Variants in DMXL1 observed in about 807,000 individuals in gnomAD.
DMXL1 encodes Dmx like 1, also known as dmX-like protein 1.
DMXL1 carries 99 observed loss-of-function variants against 319.2 expected under a neutral mutation model. That is an observed-to-expected ratio of 0.31 (90% CI 0.26 to 0.37). The LOEUF (loss-of-function observed/expected upper bound fraction) is 0.37, where lower values mean the gene tolerates loss of function less well. Among genes scored for constraint, DMXL1 ranks in the 10% least tolerant of loss-of-function variants. DMXL1 has a pLI of 1.00. For missense variants in DMXL1, 3,745 were observed against 3,595.6 expected, an observed-to-expected ratio of 1.04 and a Z score of -1.06; for synonymous variants, 1,385 against 1,235.2, an observed-to-expected ratio of 1.12 and a Z score of -2.54.
At chr5:119,159,307 G>A (rs775031784) in intron 19 of DMXL1, among the ~76,000 whole-genome samples, 41 of 152,180 alleles carry the variant, frequency 2.7e-4, no homozygotes, top group Non-Finnish European at 5.3e-4. Flanking sequence ...ATGTTGGCAA[G>A]GCTGGTTTGG....
Position 119,175,297 on chromosome 5 carries a change from G to T in DMXL1, c.6718G>T (p.Ala2240Ser). The T allele has an allele frequency of 6.2e-7, 1 of 1,611,570 alleles. No homozygotes were observed. The highest frequency in any genetic ancestry group is 8.5e-7 in the Non-Finnish European group (1 of 1,178,890). The change falls in exon 26 of 44, where the codon GCT (alanine) becomes TCT (serine). Residue 2240 changes from alanine to serine, a missense_variant. Around this residue, in one of 4 missense-constraint regions of DMXL1, gnomAD observed 1,382 missense variants for 1,269.5 expected, o/e 1.09. Coordinates refer to ENST00000539542, the MANE Select transcript of DMXL1 (RefSeq NM_001290321.3). ...VMHTLAASLSACIYQCLCGSH... is the reference protein window; with the variant it reads ...VMHTLAASLSSCIYQCLCGSH... ...GCATACTTTAGCAGCTTCACTTTCT[G>T]CTTGTATTTATCAGTGCCTTTGTGG...
chr5:119,231,625 T>G (rs1465131617), intron 38 of DMXL1, among the ~76,000 whole-genome samples: 1 of 152,160 alleles, frequency 6.6e-6, no homozygotes, highest in African/African-American at 2.4e-5. Flanking sequence ...CATTAAAAAT[T>G]TAATGAGTTT....
chr5:119,222,615 A>G (rs561249979), intron 37 of DMXL1, among the ~76,000 whole-genome samples: 1 of 152,232 alleles, frequency 6.6e-6, no homozygotes, highest in East Asian at 1.9e-4. Context: ...TCCTACTTCT[A>G]TTCTTTACAC....
intron 28 of DMXL1, among the ~76,000 whole-genome samples, chr5:119,187,953 G>A (rs1466424634): frequency 6.6e-6 from 1 of 152,148 alleles, no homozygotes; most frequent in Non-Finnish European, 1.5e-5. Context: ...ACCGCACCCA[G>A]CCAAAAAGTG....
rs1761932976 is a variant in DMXL1, at chr5:119,121,046, C to G, written c.1009C>G (p.Gln337Glu). Reference protein sequence around the residue: ...LVAHTGYLPHQQDPHHVHRNT... With the variant: ...LVAHTGYLPHEQDPHHVHRNT... ...AGCACATACGGGATATCTACCACAT[C>G]AGCAGGATCCTCATCATGTTCACAG... The change falls in exon 9 of 44, where the codon CAG (glutamine) becomes GAG (glutamate). Residue 337 changes from glutamine to glutamate, a missense_variant. Around this residue, in one of 4 missense-constraint regions of DMXL1, gnomAD observed 2,096 missense variants for 1,985.4 expected, o/e 1.06. Transcript: ENST00000539542. 6.2e-7 allele frequency: 1 copy of G among 1,613,678 alleles called. No individual in the cohort carries two copies. The highest frequency in any genetic ancestry group is 8.5e-7 in the Non-Finnish European group (1 of 1,179,916).
chr5:119,243,360 A>G (rs143466785), intron 42 of DMXL1, among the ~76,000 whole-genome samples: 1 of 152,282 alleles, frequency 6.6e-6, no homozygotes, highest in African/African-American at 2.4e-5. Context: ...CTCTTTTACA[A>G]ATGATGAAAC....
At chr5:119,191,940 T>C (rs1203851641) in intron 29 of DMXL1, among the ~76,000 whole-genome samples, 2 of 152,232 alleles carry the variant, frequency 1.3e-5, no homozygotes, top group African/African-American at 2.4e-5. Context: ...GGGTCAACCA[T>C]TGTTTGTTTT....
At chr5:119,118,768 C>T in intron 7 of DMXL1, 47 bp from the exon 8 acceptor site, 1 of 1,411,314 alleles carries the variant, frequency 7.1e-7, no homozygotes, top group Non-Finnish European at 9.7e-7. Flanking sequence ...TTCTGTGATA[C>T]TATGTGAAAT....
At position 119,244,447 on chromosome 5, in the gene DMXL1, A is replaced by G. The variant is rs74361177; in HGVS notation, c.8793A>G (p.Thr2931=). The G allele has an allele frequency of 3.8e-4, 620 of 1,614,146 alleles. 2 individuals are homozygous for G. The African/African-American group carries it at 5.0e-3, about 13-fold the overall frequency. The change falls in exon 43 of 44, where the codon ACA becomes ACG. Residue 2931 remains threonine, a synonymous_variant. Coordinates refer to ENST00000539542, the MANE Select transcript of DMXL1 (RefSeq NM_001290321.3). ...LLISGGRKGF[T]YVFDLCQRQQ... The stretch of plus-strand genomic sequence containing the variant: ...TATCAGGTGGCAGAAAAGGTTTTAC[A>G]TATGTATTTGACCTTTGTCAACGAC...
Position 119,213,218 on chromosome 5 carries a change from A to T in DMXL1, c.7927-3683A>T, listed in dbSNP as rs141462510. ...TTTGTTTCCTACTCCCCACAGATCA[A>T]TATATTTTGCTGTCAAAATAAGTGT... On this transcript the variant is annotated intron_variant, in intron 34 of 43. Coordinates refer to ENST00000539542, the MANE Select transcript of DMXL1 (RefSeq NM_001290321.3). Among the ~76,000 whole-genome samples the T allele has an allele frequency of 5.4e-3, 820 of 152,268 alleles. 3 individuals carry two copies. Among genetic ancestry groups the T allele is most frequent in the African/African-American group, 0.019 (791 of 41,546 alleles).
At chr5:119,135,195 A>T (rs185187895) in intron 13 of DMXL1, among the ~76,000 whole-genome samples, 55 of 152,262 alleles carry the variant, frequency 3.6e-4, no homozygotes, top group African/African-American at 1.3e-3. Context: ...TCTTCTATTT[A>T]TCAGGCATTT....
rs1390873068 is a variant in DMXL1, at chr5:119,142,161, G to A, written c.2377-1680G>A. Reference sequence around the variant, plus strand: ...TAAAACCTAAAACTCTAAAAACCCTGGAAGACAATCTAGGCGATACCATTC... The same window carrying A: ...TAAAACCTAAAACTCTAAAAACCCTAGAAGACAATCTAGGCGATACCATTC... On this transcript the variant is annotated intron_variant, in intron 13 of 43. Coordinates refer to ENST00000539542, the MANE Select transcript of DMXL1 (RefSeq NM_001290321.3). 2.6e-5 allele frequency among the ~76,000 whole-genome samples: 4 copies of A among 152,100 alleles called. No homozygotes were observed. The South Asian group carries it at 8.3e-4, about 32-fold the overall frequency.
At chr5:119,222,158 C>A (rs1431274089) in intron 37 of DMXL1, among the ~76,000 whole-genome samples, 1 of 152,040 alleles carries the variant, frequency 6.6e-6, no homozygotes. Context: ...TTTATAGTTG[C>A]TATAACCTTA....
At chr5:119,211,004 A>ATT (rs565846459) in intron 34 of DMXL1, among the ~76,000 whole-genome samples, 14 of 118,764 alleles carry the variant, frequency 1.2e-4, no homozygotes, top group African/African-American at 3.0e-4. Context: ...TTATCAAATG[A>ATT]TTTTTTTTTT....
At chr5:119,084,121 C>A (rs1752806382) in intron 1 of DMXL1, among the ~76,000 whole-genome samples, 1 of 151,592 alleles carries the variant, frequency 6.6e-6, no homozygotes. Flanking sequence ...TATTCCCCCC[C>A]TCACCCCTTT....
intron 1 of DMXL1, among the ~76,000 whole-genome samples, chr5:119,089,291 T>TGC (rs1315077203): frequency 1.1e-4 from 5 of 45,490 alleles, no homozygotes; most frequent in African/African-American, 3.7e-4. Flanking sequence ...TATATATATA[T>TGC]ATTTTTTTTT....
intron 10 of DMXL1, 91 bp downstream of exon 10, chr5:119,129,514 T>A: frequency 1.1e-6 from 1 of 878,282 alleles, no homozygotes; most frequent in Non-Finnish European, 1.7e-6. Context: ...TGTAATAAAC[T>A]TTAAAGTTGC....
intron 33 of DMXL1, among the ~76,000 whole-genome samples, chr5:119,204,666 G>C (rs1302143927): frequency 1.3e-5 from 2 of 151,728 alleles, no homozygotes; most frequent in Non-Finnish European, 2.9e-5. Flanking sequence ...AAAAAGTTCA[G>C]GTGAACTGAA....
intron 1 of DMXL1, among the ~76,000 whole-genome samples, chr5:119,088,388 T>C (rs1233875657): frequency 1.3e-5 from 2 of 152,194 alleles, no homozygotes; most frequent in Non-Finnish European, 2.9e-5. Context: ...TGGTTCTTTT[T>C]TCTTCATTTA....
Sources: gnomAD v4.1 joint callset for allele counts (sites outside exome capture counted in the v4.1 genomes callset) on GRCh38, gnomAD v4.1.1 for gene constraint, gnomAD v4.1.1 regional missense constraint, MANE v1.5 for transcripts, NCBI Gene and HGNC (gene_info 2026-07-23, HGNC 2026-07-21) for gene names.